The following CMSS1 variants were observed in gnomAD, a reference collection of about 807,000 sequenced individuals.
CMSS1 encodes protein CMSS1.
A neutral mutation model predicts 43.5 loss-of-function variants in CMSS1; 33 were observed. The ratio of observed to expected loss-of-function variants is 0.76; its 90% CI spans 0.57 to 1.01. The LOEUF is 1.01. Among genes scored for constraint, CMSS1 ranks in the 50% least tolerant of loss-of-function variants. The pLI is 0.00. For synonymous variants in CMSS1, 115 were observed against 117.2 expected (o/e 0.98, Z 0.12); for missense variants, 313 against 326.4 (o/e 0.96, Z 0.32).
intron 1 of CMSS1, among the ~76,000 whole-genome samples, chr3:100,144,626 T>C (rs2066832580): frequency 1.3e-5 from 2 of 152,174 alleles, no homozygotes; most frequent in Non-Finnish European, 2.9e-5. Flanking sequence ...ATTCTGTCTT[T>C]GGTGGTGAGG....
At chr3:99,996,168 C>T (rs1709674132) in intron 1 of CMSS1, among the ~76,000 whole-genome samples, 1 of 152,112 alleles carries the variant, frequency 6.6e-6, no homozygotes, top group African/African-American at 2.4e-5. Context: ...GAATGCTTTG[C>T]TGCTTAGAAA....
chr3:99,828,909 T>C (rs1310162834), intron 1 of CMSS1, among the ~76,000 whole-genome samples: 1 of 152,078 alleles, frequency 6.6e-6, no homozygotes, highest in East Asian at 1.9e-4. Flanking sequence ...TCCCTCTCAA[T>C]GCTGCCTATC....
chr3:99,886,714 G>A (rs1705911272), intron 1 of CMSS1, among the ~76,000 whole-genome samples: 1 of 152,096 alleles, frequency 6.6e-6, no homozygotes, highest in South Asian at 2.1e-4. Flanking sequence ...AGCACTTTGG[G>A]AAGCTGAGGT....
At chr3:100,134,147 A>G (rs989470984) in intron 1 of CMSS1, among the ~76,000 whole-genome samples, 2 of 152,132 alleles carry the variant, frequency 1.3e-5, no homozygotes, top group Non-Finnish European at 2.9e-5. Flanking sequence ...GTTCGGGGAA[A>G]TTATGTAACT....
intron 1 of CMSS1, among the ~76,000 whole-genome samples, chr3:99,947,175 A>G (rs1402675334): frequency 6.6e-6 from 1 of 150,828 alleles, no homozygotes; most frequent in Admixed American, 6.6e-5. Context: ...TATATTCAGC[A>G]CTGAAAAATG....
chr3:100,037,958 G>GC lies in CMSS1; in HGVS notation c.65-109015_65-109014insC, dbSNP rs1559735195. 2.1e-3 allele frequency among the ~76,000 whole-genome samples: 21 copies of GC among 10,068 alleles called. No homozygotes were observed. The East Asian group carries it at 0.12, about 55-fold the overall frequency. The allele number at this position is 10,068 out of a possible 152,430, so 6.6% of individuals were successfully genotyped here. A position where few individuals can be genotyped will look rare whatever the true frequency, so the allele number is the denominator to read the frequency against. On this transcript the variant is annotated intron_variant, in intron 1 of 9. Coordinates refer to ENST00000421999, the MANE Select transcript of CMSS1 (RefSeq NM_032359.4). ...GCTTTTCTTTTTTTTTTTTTTTTTG[G>GC]GGGGGGAGGGAACAGAGTCTCAAAT...
At chr3:100,155,160 C>T (rs938711731) in intron 2 of CMSS1, among the ~76,000 whole-genome samples, 7 of 152,098 alleles carry the variant, frequency 4.6e-5, no homozygotes, top group African/African-American at 1.7e-4. Flanking sequence ...CATGGTTCTC[C>T]TATCTATTAT....
At chr3:99,849,307 ATTC>A (rs1396473736) in intron 1 of CMSS1, 4 of 1,614,024 alleles carry the variant, frequency 2.5e-6, no homozygotes, top group East Asian at 2.2e-5. Context: ...AGGATCGGAA[ATTC>A]TTCTTCCATT....
In CMSS1 at chr3:100,180,940, G is replaced by A. The variant is rs1398911510; in HGVS notation, c.*2552G>A. On this transcript the variant is annotated 3_prime_UTR_variant, in exon 10 of 10. Coordinates refer to ENST00000421999, the MANE Select transcript of CMSS1 (RefSeq NM_032359.4). The stretch of plus-strand genomic sequence containing the variant: ...CCACAGACTGTACAGGAGGATGGCT[G>A]GGGAGGCCTCAGGAAATTTACAATC... 1 of 152,278 alleles carries A rather than the reference G, an allele frequency of 6.6e-6. No individual in the cohort carries two copies. Among genetic ancestry groups the A allele is most frequent in the Non-Finnish European group, 1.5e-5 (1 of 68,106 alleles). 9.4% of individuals were successfully genotyped at this position (152,278 alleles called of 1,614,324 possible). A position where few individuals can be genotyped will look rare whatever the true frequency, so the allele number is the denominator to read the frequency against.
chr3:100,061,338 G>GAA (rs1163973729), intron 1 of CMSS1, among the ~76,000 whole-genome samples: 1 of 152,168 alleles, frequency 6.6e-6, no homozygotes, highest in Non-Finnish European at 1.5e-5. Flanking sequence ...CATGACATTC[G>GAA]AAAATCTTCA....
chr3:99,938,501 T>G (rs1401243669), intron 1 of CMSS1, among the ~76,000 whole-genome samples: 1 of 152,198 alleles, frequency 6.6e-6, no homozygotes, highest in African/African-American at 2.4e-5. Flanking sequence ...TAAATTTGAA[T>G]ATATTTAACA....
At chr3:99,900,088 A>G (rs1288740706) in intron 1 of CMSS1, among the ~76,000 whole-genome samples, 2 of 152,366 alleles carry the variant, frequency 1.3e-5, no homozygotes, top group East Asian at 3.9e-4. Flanking sequence ...ATACATATCT[A>G]GAACAGTGTT....
intron 1 of CMSS1, among the ~76,000 whole-genome samples, chr3:100,086,160 G>A (rs902789960): frequency 3.3e-5 from 5 of 152,150 alleles, no homozygotes; most frequent in African/African-American, 7.2e-5. Flanking sequence ...GAACAGTTGC[G>A]TTTCCTTTCT....
intron 1 of CMSS1, among the ~76,000 whole-genome samples, chr3:100,085,989 T>TA (rs1419630821): frequency 6.6e-6 from 1 of 152,228 alleles, no homozygotes; most frequent in Non-Finnish European, 1.5e-5. Flanking sequence ...TTGGACAAGT[T>TA]AATCAAATGG....
At chr3:100,046,776 G>A (rs2065285521) in intron 1 of CMSS1, among the ~76,000 whole-genome samples, 1 of 152,164 alleles carries the variant, frequency 6.6e-6, no homozygotes, top group African/African-American at 2.4e-5. Flanking sequence ...ATAAGGCCAG[G>A]TCTGATTAGC....
At chr3:99,850,761 G>C in intron 1 of CMSS1, 1 of 1,614,188 alleles carries the variant, frequency 6.2e-7, no homozygotes, top group Non-Finnish European at 8.5e-7. Context: ...TTGTGTCTTG[G>C]TCTTGGTGAA....
chr3:100,031,982 T>TG (rs1438270842), intron 1 of CMSS1, among the ~76,000 whole-genome samples: 1 of 152,194 alleles, frequency 6.6e-6, no homozygotes, highest in African/African-American at 2.4e-5. Context: ...TTTTCATGCA[T>TG]CATGAAAAAT....
intron 1 of CMSS1, among the ~76,000 whole-genome samples, chr3:99,975,986 G>A (rs1708958280): frequency 6.6e-6 from 1 of 152,304 alleles, no homozygotes; most frequent in South Asian, 2.1e-4. Context: ...CTGGGTTCAA[G>A]CGATTCTCCT....
At chr3:99,843,200 C>T (rs1371835410) in intron 1 of CMSS1, among the ~76,000 whole-genome samples, 1 of 152,158 alleles carries the variant, frequency 6.6e-6, no homozygotes, top group African/African-American at 2.4e-5. Context: ...GTTCTGGACC[C>T]TTCCCAAGAA....
Sources: allele counts gnomAD v4.1 joint callset (sites outside exome capture counted in the v4.1 genomes callset), GRCh38; gene constraint gnomAD v4.1.1; transcripts MANE v1.5; gene names NCBI Gene and HGNC (gene_info 2026-07-23, HGNC 2026-07-21).